The following PRKACB variants were observed in gnomAD, a reference collection of about 807,000 sequenced individuals.
PRKACB encodes protein kinase cAMP-activated catalytic subunit beta.
Under a neutral mutation model 51.4 loss-of-function variants are expected in PRKACB, and 16 were observed. That is an observed-to-expected ratio of 0.31 (90% CI 0.21 to 0.47). The LOEUF (loss-of-function observed/expected upper bound fraction) is 0.47, where lower values mean the gene tolerates loss of function less well. Among genes scored for constraint, PRKACB ranks in the 20% least tolerant of loss-of-function variants. The pLI is 1.00. For missense variants in PRKACB, 309 were observed against 464.5 expected, an observed-to-expected ratio of 0.67 and a Z score of 3.08; for synonymous variants, 147 against 154.4, an observed-to-expected ratio of 0.95 and a Z score of 0.35.
chr1:84,175,658 A>G (rs1474338637), intron 1 of PRKACB: 4 of 631,020 alleles, frequency 6.3e-6, no homozygotes, highest in Non-Finnish European at 1.0e-5. Flanking sequence ...GTATAAATAC[A>G]TTGAAAAATT....
At chr1:84,174,481 G>C (rs115856440) in intron 1 of PRKACB, among the ~76,000 whole-genome samples, 1,923 of 151,888 alleles carry the variant, frequency 0.013, 52 homozygotes, top group African/African-American at 0.045. Flanking sequence ...TTCCTTAACA[G>C]TGGAAATATG....
At chr1:84,198,693 G>A (rs1042134182) in intron 7 of PRKACB, among the ~76,000 whole-genome samples, 7 of 151,174 alleles carry the variant, frequency 4.6e-5, no homozygotes, top group African/African-American at 7.3e-5. Context: ...TTACAAATGT[G>A]TATATATTGT....
rs1369543206 is a variant in PRKACB at position 84,159,162 on chromosome 1, G to GGATCT, written c.187+14614_187+14615insGATCT. 1.2e-4 allele frequency among the ~76,000 whole-genome samples: 19 copies of GGATCT among 152,068 alleles called. No individual in the cohort carries two copies. In the East Asian group the frequency reaches 3.7e-3, roughly 29 times the overall value. ...TATAAATTTCTGGATCAATTTGTCA[G>GGATCT]TTTCTAAAGAAAAGCTTTATTAGAT... On this transcript the variant is annotated intron_variant, in intron 1 of 9. Coordinates refer to ENST00000370685, the MANE Select transcript of PRKACB (RefSeq NM_182948.4).
At chr1:84,226,308 A>G (rs1674598660) in intron 9 of PRKACB, among the ~76,000 whole-genome samples, 1 of 142,628 alleles carries the variant, frequency 7.0e-6, no homozygotes, top group Non-Finnish European at 1.5e-5. Flanking sequence ...GATTTATTGA[A>G]TTTGGGGATT....
rs185865160 is a variant in PRKACB, at chr1:84,199,088, C to T, written c.783+1264C>T. Among the ~76,000 whole-genome samples the T allele has an allele frequency of 1.2e-3, 173 of 138,946 alleles. 2 individuals carry two copies. The highest frequency in any genetic ancestry group is 7.5e-3 in the Middle Eastern group (2 of 266). The allele number at this position is 138,946 out of a possible 152,430, so 91.2% of individuals were successfully genotyped here. ...ATATATGCATATATGTATATATATG[C>T]GTATATATGCATATATGTATATATA... On this transcript the variant is annotated intron_variant, in intron 7 of 9. Coordinates refer to ENST00000370685, the MANE Select transcript of PRKACB (RefSeq NM_182948.4).
chr1:84,173,677 T>G (rs544491955), intron 1 of PRKACB, among the ~76,000 whole-genome samples: 1 of 151,966 alleles, frequency 6.6e-6, no homozygotes, highest in East Asian at 1.9e-4. Context: ...TACCTTAGTT[T>G]CCATCCTCTT....
intron 9 of PRKACB, among the ~76,000 whole-genome samples, chr1:84,225,409 C>G (rs1363284878): frequency 3.3e-5 from 5 of 152,094 alleles, no homozygotes; most frequent in Admixed American, 6.5e-5. Flanking sequence ...TAGTGTGCTG[C>G]CCTGCTTGTT....
intron 1 of PRKACB, among the ~76,000 whole-genome samples, chr1:84,148,251 C>A (rs374254258): frequency 6.2e-4 from 95 of 152,192 alleles, no homozygotes; most frequent in African/African-American, 2.1e-3. Flanking sequence ...ATCTCTGTAA[C>A]AAAACCACCA....
At chr1:84,228,772 G>A (rs1675076310) in intron 9 of PRKACB, among the ~76,000 whole-genome samples, 1 of 152,078 alleles carries the variant, frequency 6.6e-6, no homozygotes, top group African/African-American at 2.4e-5. Flanking sequence ...TTAAAAGTAA[G>A]TCTGAGATTT....
chr1:84,125,896 A>G (rs1557977059), intron 1 of PRKACB, among the ~76,000 whole-genome samples: 2 of 152,208 alleles, frequency 1.3e-5, no homozygotes, highest in African/African-American at 4.8e-5. Context: ...TCCTTCAGAA[A>G]TGGGATAGTT....
At chr1:84,214,617 C>T (rs1183194047) in intron 9 of PRKACB, among the ~76,000 whole-genome samples, 1 of 151,606 alleles carries the variant, frequency 6.6e-6, no homozygotes, top group Non-Finnish European at 1.5e-5. Flanking sequence ...TTCAGCCTCT[C>T]GAGTAGCTGG....
rs752419389 is a variant in PRKACB, at chr1:84,115,809, G to A, written c.46+37438G>A. On this transcript the variant is annotated intron_variant, in intron 1 of 8. Transcript: ENST00000370688. ...AGGCAGGACAATCTCTTGAACCCAGGAGGTGGAGGTTGTGGTGAGCCGAGA... is the reference window on the plus strand; with the variant it reads ...AGGCAGGACAATCTCTTGAACCCAGAAGGTGGAGGTTGTGGTGAGCCGAGA... Among the ~76,000 whole-genome samples, 6 of 146,152 alleles carry A rather than the reference G, an allele frequency of 4.1e-5. No individual in the cohort carries two copies. In the East Asian group the frequency reaches 1.2e-3, roughly 30 times the overall value.
chr1:84,121,085 A>G (rs947555341), intron 1 of PRKACB, among the ~76,000 whole-genome samples: 1 of 152,096 alleles, frequency 6.6e-6, no homozygotes, highest in African/African-American at 2.4e-5. Context: ...TCAATTGCCA[A>G]GAGACTTAAA....
intron 1 of PRKACB, among the ~76,000 whole-genome samples, chr1:84,177,711 C>T (rs1211247869): frequency 6.6e-6 from 1 of 151,938 alleles, no homozygotes; most frequent in Non-Finnish European, 1.5e-5. Flanking sequence ...CACTGCACTC[C>T]AGCCTGAGTG....
intron 1 of PRKACB, among the ~76,000 whole-genome samples, chr1:84,084,507 CATT>C (rs1557899494): frequency 6.6e-6 from 1 of 152,044 alleles, no homozygotes; most frequent in Non-Finnish European, 1.5e-5. Flanking sequence ...GAAGATAAAT[CATT>C]ATGGAGCAAG....
At chr1:84,182,879 A>G (rs1040142422) in intron 3 of PRKACB, among the ~76,000 whole-genome samples, 23 of 152,154 alleles carry the variant, frequency 1.5e-4, no homozygotes, top group African/African-American at 5.1e-4. Context: ...TTGTTTTGTA[A>G]CTATTACAGA....
intron 1 of PRKACB, chr1:84,086,195 G>A (rs746314596): frequency 6.5e-5 from 104 of 1,598,056 alleles, no homozygotes; most frequent in Non-Finnish European, 8.5e-5. Context: ...CAAAGATGAG[G>A]ATCAGCTGGA....
intron 8 of PRKACB, 21 bp from the exon 9 acceptor site, chr1:84,214,132 C>T: frequency 6.3e-7 from 1 of 1,576,886 alleles, no homozygotes; most frequent in Non-Finnish European, 8.6e-7. Context: ...GTGTGTTTTA[C>T]CAAATGGTGT....
intron 9 of PRKACB, among the ~76,000 whole-genome samples, chr1:84,227,399 C>T (rs532248027): frequency 6.6e-5 from 10 of 151,962 alleles, no homozygotes; most frequent in South Asian, 2.1e-4. Context: ...AATGCTATTT[C>T]GAGGTATATT....
Sources: allele counts gnomAD v4.1 joint callset (sites outside exome capture counted in the v4.1 genomes callset), GRCh38; gene constraint gnomAD v4.1.1; transcripts MANE v1.5; gene names NCBI Gene and HGNC (gene_info 2026-07-23, HGNC 2026-07-21).